Variants in PEX5L observed in about 807,000 individuals in gnomAD.
The protein encoded by PEX5L is PEX5-related protein.
In PEX5L, 30 loss-of-function variants were observed where a neutral mutation model predicts 84.0. That is an observed-to-expected ratio of 0.36 (90% confidence interval 0.27 to 0.48). PEX5L has a LOEUF of 0.48. Among genes scored for constraint, PEX5L ranks in the 20% least tolerant of loss-of-function variants. PEX5L has a pLI of 0.99. For synonymous variants in PEX5L, 270 were observed against 283.1 expected, an observed-to-expected ratio of 0.95 and a Z score of 0.46; for missense variants, 533 against 754.6, an observed-to-expected ratio of 0.71 and a Z score of 3.44.
Position 179,957,097 on chromosome 3 carries a change from G to A in PEX5L, c.93+14497C>T, listed in dbSNP as rs904393451. 5.3e-5 allele frequency among the ~76,000 whole-genome samples: 8 copies of A among 151,992 alleles called. 1 individual carries two copies. The highest frequency in any genetic ancestry group is 2.6e-4 in the Admixed American group (4 of 15,246). ...TATGTAGCAATGTGGAAAAATGAGC[G>A]TAACATAATGTTACATAAAGAAGCA... On this transcript the variant is annotated intron_variant, in intron 2 of 14. Transcript: ENST00000467460.
intron 9 of PEX5L, among the ~76,000 whole-genome samples, chr3:179,818,978 G>C (rs1182172482): frequency 6.6e-6 from 1 of 151,024 alleles, no homozygotes; most frequent in Non-Finnish European, 1.5e-5. Flanking sequence ...GAGTAGCTGG[G>C]GACTACAGGC....
intron 8 of PEX5L, among the ~76,000 whole-genome samples, chr3:179,854,982 G>A (rs72622578): frequency 6.6e-6 from 1 of 152,116 alleles, no homozygotes; most frequent in Non-Finnish European, 1.5e-5. Flanking sequence ...TATTGGCAAT[G>A]CAGCTAAAAT....
At chr3:179,977,662 A>G (rs13090958) in intron 1 of PEX5L, among the ~76,000 whole-genome samples, 59,515 of 152,018 alleles carry the variant, frequency 0.39, 12,378 homozygotes, top group East Asian at 0.75. Flanking sequence ...ACGTAAGCTC[A>G]AATAGACCTT....
chr3:179,900,617 G>A (rs1760971337), intron 2 of PEX5L: 2 of 1,193,016 alleles, frequency 1.7e-6, no homozygotes, highest in Non-Finnish European at 2.4e-6. Flanking sequence ...CAGCTAGAAA[G>A]GATGTACAAT....
chr3:179,874,738 G>GTTTTT (rs3836472), intron 6 of PEX5L, among the ~76,000 whole-genome samples: 97 of 45,936 alleles, frequency 2.1e-3, no homozygotes, highest in African/African-American at 6.4e-3. Flanking sequence ...TTTTTTTTTT[G>GTTTTT]TTTTTTTTTT....
intron 2 of PEX5L, among the ~76,000 whole-genome samples, chr3:179,933,441 T>C (rs568652082): frequency 1.5e-5 from 1 of 65,202 alleles, no homozygotes; most frequent in African/African-American, 6.8e-5. Context: ...TCATATACAA[T>C]TCTCTTTTTT....
At chr3:179,831,987 C>A (rs983011771) in intron 8 of PEX5L, among the ~76,000 whole-genome samples, 1 of 151,986 alleles carries the variant, frequency 6.6e-6, no homozygotes, top group Non-Finnish European at 1.5e-5. Flanking sequence ...TTGTTTAGAT[C>A]GGTGTTTTAG....
chr3:179,933,696 G>A (rs553755091), intron 2 of PEX5L, among the ~76,000 whole-genome samples: 2 of 152,200 alleles, frequency 1.3e-5, no homozygotes, highest in Non-Finnish European at 2.9e-5. Context: ...TGAGTGATGG[G>A]GAGAGAGGCA....
intron 1 of PEX5L, among the ~76,000 whole-genome samples, chr3:180,025,023 G>T (rs1790821049): frequency 6.6e-6 from 1 of 152,092 alleles, no homozygotes; most frequent in Admixed American, 6.5e-5. Flanking sequence ...GTCCTAAATT[G>T]TCCTCCAGAT....
chr3:179,871,548 G>A (rs886957503), intron 7 of PEX5L, among the ~76,000 whole-genome samples: 2 of 151,946 alleles, frequency 1.3e-5, no homozygotes, highest in Admixed American at 1.3e-4. Flanking sequence ...TTTGAAGTTC[G>A]GCCTAAAGAT....
At chr3:179,975,577 C>T (rs1183982237) in intron 1 of PEX5L, among the ~76,000 whole-genome samples, 1 of 152,098 alleles carries the variant, frequency 6.6e-6, no homozygotes, top group Non-Finnish European at 1.5e-5. Flanking sequence ...TTTTAAAAAT[C>T]AATGCTGCTA....
At chr3:179,867,042 GAA>G (rs60924890) in intron 7 of PEX5L, among the ~76,000 whole-genome samples, 18 of 110,544 alleles carry the variant, frequency 1.6e-4, no homozygotes, top group African/African-American at 5.4e-4. Flanking sequence ...AAAAAAAAAA[GAA>G]AAAAAAAAAA....
intron 2 of PEX5L, among the ~76,000 whole-genome samples, chr3:179,954,202 G>C (rs12632846): frequency 7.1e-6 from 1 of 141,744 alleles, no homozygotes; most frequent in African/African-American, 2.8e-5. Context: ...TTAACCATTA[G>C]TCGGGGGGGG....
In PEX5L at chr3:179,798,290, T is replaced by G. The variant is rs773572872; in HGVS notation, c.*3538A>C. 6.6e-6 allele frequency: 1 copy of G among 152,170 alleles called. No homozygotes were observed. Among genetic ancestry groups the G allele is most frequent in the Non-Finnish European group, 1.5e-5 (1 of 68,028 alleles). 9.4% of individuals were successfully genotyped at this position (152,170 alleles called of 1,614,324 possible). The stretch of plus-strand genomic sequence containing the variant: ...AGATTGACTGAGAAAGCACGGTGCA[T>G]AGTATTCTATTAAAATTTCCTGGTG... On this transcript the variant is annotated 3_prime_UTR_variant, in exon 15 of 15. Coordinates refer to ENST00000467460, the MANE Select transcript of PEX5L (RefSeq NM_016559.3).
rs570328448 is a variant in PEX5L, at chr3:179,971,587, C to G, written c.93+7G>C. ...ACAGTAGAAAATGTACGTAAGTATTCACTTACCTGCTTTTGATCAACAATT... is the reference window on the plus strand; with the variant it reads ...ACAGTAGAAAATGTACGTAAGTATTGACTTACCTGCTTTTGATCAACAATT... On this transcript the variant is annotated splice_region_variant and intron_variant, in intron 2 of 14. Transcript: ENST00000467460. The G allele has an allele frequency of 3.1e-6, 5 of 1,606,058 alleles. No individual in the cohort carries two copies. The African/African-American group carries it at 6.7e-5, about 21-fold the overall frequency.
intron 2 of PEX5L, among the ~76,000 whole-genome samples, chr3:179,944,968 G>A (rs1777126156): frequency 6.6e-6 from 1 of 152,194 alleles, no homozygotes; most frequent in Non-Finnish European, 1.5e-5. Context: ...CTGTCAATAT[G>A]TTTATTTCTT....
chr3:179,842,139 T>C (rs781629777), intron 8 of PEX5L, among the ~76,000 whole-genome samples: 11 of 152,230 alleles, frequency 7.2e-5, no homozygotes, highest in Non-Finnish European at 1.6e-4. Context: ...TGGGGTAATA[T>C]TATACATGCA....
chr3:179,937,267 G>C (rs960404924), intron 2 of PEX5L, among the ~76,000 whole-genome samples: 1 of 152,118 alleles, frequency 6.6e-6, no homozygotes, highest in Non-Finnish European at 1.5e-5. Context: ...TTAATAGTAA[G>C]TACCAAAGGA....
intron 2 of PEX5L, among the ~76,000 whole-genome samples, chr3:179,904,847 C>T (rs1762603103): frequency 2.0e-5 from 3 of 152,056 alleles, no homozygotes; most frequent in Admixed American, 2.0e-4. Context: ...AGTGTGCTTT[C>T]CCTACTGCTG....
Sources: gnomAD v4.1 joint callset for allele counts (sites outside exome capture counted in the v4.1 genomes callset) on GRCh38, gnomAD v4.1.1 for gene constraint, MANE v1.5 for transcripts, NCBI Gene and HGNC (gene_info 2026-07-23, HGNC 2026-07-21) for gene names.